Variants in JAK1 observed in about 807,000 individuals in gnomAD.
JAK1 encodes the protein tyrosine-protein kinase JAK1.
Under a neutral mutation model 136.6 loss-of-function variants are expected in JAK1, and 16 were observed. That is an observed-to-expected ratio of 0.12 (90% CI 0.08 to 0.18). JAK1 has a LOEUF of 0.18. JAK1 is among the 10% of genes least tolerant of loss of function. The probability of loss-of-function intolerance (pLI) is 1.00; values close to 1 mark genes in which losing one functional copy is unlikely to be tolerated. For synonymous variants in JAK1, 492 were observed against 519.5 expected, an observed-to-expected ratio of 0.95 and a Z score of 0.72; for missense variants, 859 against 1,450.1, an observed-to-expected ratio of 0.59 and a Z score of 6.62.
chr1:65,067,146 G>C (rs1039917640), intron 1 of JAK1, among the ~76,000 whole-genome samples: 6 of 151,060 alleles, frequency 4.0e-5, no homozygotes, highest in Admixed American at 2.0e-4. Context: ...GGCCCGGCCC[G>C]GCCCGCCCCG....
intron 2 of JAK1, among the ~76,000 whole-genome samples, chr1:64,997,905 C>T (rs1467848338): frequency 6.6e-6 from 1 of 152,188 alleles, no homozygotes; most frequent in African/African-American, 2.4e-5. Flanking sequence ...ACGAGACAGC[C>T]TCTCATCTTA....
chr1:64,963,849 T>A (rs1459390096), intron 1 of JAK1, among the ~76,000 whole-genome samples: 2 of 151,880 alleles, frequency 1.3e-5, no homozygotes. Flanking sequence ...AATTCTTTGT[T>A]TGGGATGGGG....
In JAK1 at chr1:64,951,089, GC is replaced by G. The variant is rs982383972; in HGVS notation, c.-78+15243del. On this transcript the variant is annotated intron_variant, in intron 1 of 24. Transcript: ENST00000342505. ...AACCAAATATTCAGGTTCATGGTGG[GC>G]CTGTTCTCCATGACTTCTTAAAACC... Among the ~76,000 whole-genome samples, 4 of 152,282 alleles carry G rather than the reference GC, an allele frequency of 2.6e-5. No individual in the cohort carries two copies. In the East Asian group the frequency reaches 7.7e-4, roughly 29 times the overall value.
chr1:64,874,069 G>A (rs1461586953), intron 4 of JAK1, among the ~76,000 whole-genome samples: 1 of 152,078 alleles, frequency 6.6e-6, no homozygotes, highest in Non-Finnish European at 1.5e-5. Flanking sequence ...ACCACTACAG[G>A]CATCATGAAA....
chr1:64,937,822 TTGTC>T (rs1645816627), intron 1 of JAK1, among the ~76,000 whole-genome samples: 1 of 152,170 alleles, frequency 6.6e-6, no homozygotes, highest in Non-Finnish European at 1.5e-5. Context: ...CACTCCAACA[TTGTC>T]TGAGATACAC....
chr1:64,839,837 T>C, intron 19 of JAK1, 42 bp from the exon 20 acceptor site: 1 of 1,516,532 alleles, frequency 6.6e-7, no homozygotes, highest in Non-Finnish European at 8.9e-7. Context: ...GGAAGCCCCA[T>C]CGTAGGCCAC....
At chr1:64,924,394 A>G (rs1645547453) in intron 1 of JAK1, among the ~76,000 whole-genome samples, 1 of 152,202 alleles carries the variant, frequency 6.6e-6, no homozygotes, top group South Asian at 2.1e-4. Context: ...AGGCTATAGA[A>G]AAATTCTTCT....
intron 1 of JAK1, among the ~76,000 whole-genome samples, chr1:65,060,201 C>T (rs1405307025): frequency 1.3e-5 from 2 of 151,766 alleles, no homozygotes; most frequent in East Asian, 3.9e-4. Flanking sequence ...CATTTTTACC[C>T]GAATTATAAA....
rs747301988 is a variant in JAK1, at chr1:64,883,479, T to C, written c.7-4A>G. 31 of 1,612,334 alleles carry C rather than the reference T, an allele frequency of 1.9e-5. No individual in the cohort carries two copies. The highest frequency in any genetic ancestry group is 2.5e-5 in the Non-Finnish European group (29 of 1,178,778). ...AGTCCTCTTTTATATTTAGATACTG[T>C]TGTGGAAGGAAAACAAGACTATGTG... On this transcript the variant is annotated splice_polypyrimidine_tract_variant and splice_region_variant and intron_variant, in intron 2 of 24. Transcript: ENST00000342505.
chr1:64,982,717 C>T (rs1557742025), intron 2 of JAK1, among the ~76,000 whole-genome samples: 1 of 152,042 alleles, frequency 6.6e-6, no homozygotes, highest in African/African-American at 2.4e-5. Context: ...TACATTACTA[C>T]TTTAAATCTC....
At chr1:64,869,579 A>G (rs1656945932) in intron 5 of JAK1, 105 bp from the exon 6 acceptor site, 1 of 852,306 alleles carries the variant, frequency 1.2e-6, no homozygotes, top group Admixed American at 2.3e-5. Flanking sequence ...CAGCAACGAG[A>G]CGAATCAGAT....
At chr1:64,966,078 C>T (rs1166534666) in intron 1 of JAK1, among the ~76,000 whole-genome samples, 2 of 151,952 alleles carry the variant, frequency 1.3e-5, no homozygotes, top group East Asian at 3.9e-4. Flanking sequence ...GGCGGCCTGG[C>T]TTAACCGCTC....
At chr1:65,001,332 G>A (rs527969509) in intron 2 of JAK1, among the ~76,000 whole-genome samples, 2 of 152,290 alleles carry the variant, frequency 1.3e-5, no homozygotes, top group South Asian at 2.1e-4. Context: ...CCCAGCCTCC[G>A]CCAGCAGAGG....
chr1:64,946,102 A>G (rs948558400), intron 1 of JAK1, among the ~76,000 whole-genome samples: 1 of 152,148 alleles, frequency 6.6e-6, no homozygotes, highest in African/African-American at 2.4e-5. Context: ...TAACAATAAT[A>G]AAAAAATAAG....
intron 1 of JAK1, among the ~76,000 whole-genome samples, chr1:64,912,309 A>G (rs188697411): frequency 4.2e-4 from 64 of 152,268 alleles, no homozygotes; most frequent in Admixed American, 1.6e-3. Context: ...CTCACTAGCA[A>G]CCACAGTTAT....
intron 1 of JAK1, among the ~76,000 whole-genome samples, chr1:64,963,945 C>G (rs187390951): frequency 2.5e-3 from 386 of 152,256 alleles, no homozygotes; most frequent in Non-Finnish European, 4.1e-3. Context: ...TCCCTTCCCC[C>G]AAGTTGTAAC....
chr1:64,996,621 T>C (rs2100737259), intron 2 of JAK1, among the ~76,000 whole-genome samples: 1 of 152,348 alleles, frequency 6.6e-6, no homozygotes, highest in African/African-American at 2.4e-5. Flanking sequence ...GTTAATTGCT[T>C]AGTCTGTTTA....
chr1:64,855,062 T>A lies in JAK1; in HGVS notation c.1648+447A>T, dbSNP rs969443689. 3.9e-5 allele frequency among the ~76,000 whole-genome samples: 6 copies of A among 152,326 alleles called. No individual in the cohort carries two copies. The East Asian group carries it at 1.2e-3, about 29-fold the overall frequency. The stretch of plus-strand genomic sequence containing the variant: ...ACAAACTGCAGTGGCCTCATTTACC[T>A]GTAACATCAGCATTAGGCTGGGAAA... On this transcript the variant is annotated intron_variant, in intron 11 of 24. Coordinates refer to ENST00000342505, the MANE Select transcript of JAK1 (RefSeq NM_002227.4).
At chr1:64,898,523 G>A (rs1181279138) in intron 1 of JAK1, among the ~76,000 whole-genome samples, 1 of 152,150 alleles carries the variant, frequency 6.6e-6, no homozygotes, top group African/African-American at 2.4e-5. Context: ...AGTCATGTTG[G>A]ATGAAATTCT....
Sources: gnomAD v4.1 joint callset for allele counts (sites outside exome capture counted in the v4.1 genomes callset) on GRCh38, gnomAD v4.1.1 for gene constraint, MANE v1.5 for transcripts, NCBI Gene and HGNC (gene_info 2026-07-23, HGNC 2026-07-21) for gene names.